The following RFX1 variants were observed in gnomAD, a reference collection of about 807,000 sequenced individuals.
RFX1 encodes the protein regulatory factor X1.
In RFX1, 42 loss-of-function variants were observed where a neutral mutation model predicts 119.6. The ratio of observed to expected loss-of-function variants is 0.35; its 90% CI spans 0.27 to 0.45. RFX1 has a LOEUF of 0.45. Among genes scored for constraint, RFX1 ranks in the 20% least tolerant of loss-of-function variants. RFX1 has a pLI of 1.00. For missense variants in RFX1, 1,118 were observed against 1,368.1 expected, an observed-to-expected ratio of 0.82 and a Z score of 2.88; for synonymous variants, 628 against 618.5, an observed-to-expected ratio of 1.02 and a Z score of -0.23.
intron 1 of RFX1, among the ~76,000 whole-genome samples, chr19:14,000,461 A>C (rs373639077): frequency 6.6e-6 from 1 of 151,508 alleles, no homozygotes; most frequent in East Asian, 1.9e-4. Flanking sequence ...CATGCATACA[A>C]ACACACACAT....
In RFX1 at chr19:13,980,765, C is replaced by A; in HGVS notation, c.622-76G>T. 9.4e-6 allele frequency: 2 copies of A among 213,120 alleles called. No individual in the cohort carries two copies. The highest frequency in any genetic ancestry group is 1.1e-4 in the East Asian group (1 of 9,260). 13.2% of individuals were successfully genotyped at this position (213,120 alleles called of 1,614,324 possible). ...TCTGAGGTGGGCTCACACACACACC[C>A]TTCTCAGGAGAGCTGTCTGGGGAGG... On this transcript the variant is annotated intron_variant, in intron 5 of 20. Coordinates refer to ENST00000254325, the MANE Select transcript of RFX1 (RefSeq NM_002918.5). The surrounding 1 kb of genome is among the most constrained non-coding windows in gnomAD (Gnocchi z 5.1).
chr19:14,000,195 T>C (rs189715185), intron 1 of RFX1, among the ~76,000 whole-genome samples: 4 of 152,246 alleles, frequency 2.6e-5, no homozygotes, highest in Non-Finnish European at 5.9e-5. Context: ...CTCCAAAATA[T>C]ATCCTAGAGG....
rs143289931 is a variant in RFX1 at position 13,965,488 on chromosome 19, G to A, written c.2172C>T (p.His724=). Reference sequence around the variant, plus strand: ...TCTCCTCGGGGATGTTGACCATGGCGTGGGTGAGCCAGCTCTCCAGGCTCT... The same window carrying A: ...TCTCCTCGGGGATGTTGACCATGGCATGGGTGAGCCAGCTCTCCAGGCTCT... ...FAKSLESWLT[H]AMVNIPEEML... Residue 724 remains histidine (H), a synonymous_variant, in exon 16 of 21, where the codon CAC becomes CAT. Coordinates refer to ENST00000254325, the MANE Select transcript of RFX1 (RefSeq NM_002918.5). This position sits in a 1 kb window ranked among gnomAD's most constrained non-coding sequence, Gnocchi z 4.7. 36 of 1,613,856 alleles carry A rather than the reference G, an allele frequency of 2.2e-5. No homozygotes were observed. The highest frequency in any genetic ancestry group is 2.0e-4 in the South Asian group (18 of 91,078).
Position 13,980,731 on chromosome 19 carries a change from T to TTCATCCTCTCTGGGGTGGGCTC in RFX1, c.622-43_622-42insGAGCCCACCCCAGAGAGGATGA. The TTCATCCTCTCTGGGGTGGGCTC allele has an allele frequency of 4.2e-6, 5 of 1,201,556 alleles. No individual in the cohort carries two copies. The highest frequency in any genetic ancestry group is 4.7e-6 in the Non-Finnish European group (4 of 842,378). The allele number at this position is 1,201,556 out of a possible 1,614,324, so 74.4% of individuals were successfully genotyped here. A position where few individuals can be genotyped will look rare whatever the true frequency, so the allele number is the denominator to read the frequency against. On this transcript the variant is annotated intron_variant, in intron 5 of 20. Coordinates refer to ENST00000254325, the MANE Select transcript of RFX1 (RefSeq NM_002918.5). This position sits in a 1 kb window ranked among gnomAD's most constrained non-coding sequence, Gnocchi z 5.1. ...CACAGGAGTGCCGCTGGGGTGGGCTTGCATCCTCTCTGAGGTGGGCTCACA... is the reference window on the plus strand; with the variant it reads ...CACAGGAGTGCCGCTGGGGTGGGCTTTCATCCTCTCTGGGGTGGGCTCGCATCCTCTCTGAGGTGGGCTCACA...
Position 13,966,628 on chromosome 19 carries a change from C to A in RFX1, c.1851+5G>T, listed in dbSNP as rs1463460850. 2 of 1,584,686 alleles carry A rather than the reference C, an allele frequency of 1.3e-6. No individual in the cohort carries two copies. Among genetic ancestry groups the A allele is most frequent in the African/African-American group, 1.3e-5 (1 of 74,092 alleles). ...TCCACTTGCCTGCCCACCTGGCCACCCTACCTCACAGTGTTCCCGGTACAG... is the reference window on the plus strand; with the variant it reads ...TCCACTTGCCTGCCCACCTGGCCACACTACCTCACAGTGTTCCCGGTACAG... On this transcript the variant is annotated splice_donor_5th_base_variant and intron_variant, in intron 13 of 20. Transcript: ENST00000254325. This position sits in a 1 kb window ranked among gnomAD's most constrained non-coding sequence, Gnocchi z 6.3.
intron 1 of RFX1, among the ~76,000 whole-genome samples, chr19:13,995,412 G>A (rs1436286775): frequency 6.6e-6 from 1 of 152,066 alleles, no homozygotes; most frequent in Non-Finnish European, 1.5e-5. Context: ...GGCTTTTTGG[G>A]CCCTCTGTCT....
In RFX1 at chr19:13,983,494, T is replaced by C. The variant is rs758911880; in HGVS notation, c.421A>G (p.Thr141Ala). ...PTQVVQQVQG[T>A]QQRLLVQTSV... is the part of the protein sequence containing the mutation. The stretch of plus-strand genomic sequence containing the variant: ...GGAGGGCCACATCCTACCTGCTGGG[T>C]GCCCTGCACCTGCTGAACCACCTGA... Residue 141 changes from threonine (T) to alanine (A), a missense_variant, in exon 3 of 21, where the codon ACC becomes GCC. Thr to Ala is a moderately conservative substitution (Grantham distance 58, BLOSUM62 0). This residue lies in a region of RFX1 where 542 missense variants were observed against 602.7 expected (regional missense o/e 0.90). Transcript: ENST00000254325. 6.2e-7 allele frequency: 1 copy of C among 1,606,840 alleles called. No individual in the cohort carries two copies. The highest frequency in any genetic ancestry group is 8.5e-7 in the Non-Finnish European group (1 of 1,177,890).
rs759582073 is a variant in RFX1 at position 13,965,555 on chromosome 19, G to C, written c.2114-9C>G. 6.2e-7 allele frequency: 1 copy of C among 1,613,386 alleles called. No homozygotes were observed. ...CGCTTGGGTCAAGGCACCTGTGGGC[G>C]GTGGCGGGGGTCGGTCAGGGCAGGG... On this transcript the variant is annotated splice_polypyrimidine_tract_variant and intron_variant, in intron 15 of 20. Coordinates refer to ENST00000254325, the MANE Select transcript of RFX1 (RefSeq NM_002918.5). The surrounding 1 kb of genome is among the most constrained non-coding windows in gnomAD (Gnocchi z 4.7).
At chr19:13,983,812 C>A (rs1284269655) in intron 2 of RFX1, among the ~76,000 whole-genome samples, 2 of 152,210 alleles carry the variant, frequency 1.3e-5, no homozygotes, top group Non-Finnish European at 2.9e-5. Context: ...ATCCTTAATA[C>A]CTGGCAGCAG....
rs1214258279 is a variant in RFX1, at chr19:13,963,915, G to A, written c.2304C>T (p.Thr768=). 2 of 1,550,098 alleles carry A rather than the reference G, an allele frequency of 1.3e-6. No homozygotes were observed. Among genetic ancestry groups the A allele is most frequent in the Non-Finnish European group, 1.7e-6 (2 of 1,148,730 alleles). ...CGCTCAGCATCTGGTTGATCTGTGC[G>A]GTGTTCTGCAGCACAGCGCGCGCCG... is the stretch of plus-strand genomic sequence containing the variant. ...AQAARAVLQN[T]AQINQMLSDL... is the part of the protein sequence containing the mutation. Residue 768 remains threonine, a synonymous_variant, in exon 17 of 21, where the codon ACC becomes ACT. Transcript: ENST00000254325.
Position 13,970,062 on chromosome 19 carries a change from G to A in RFX1, c.1428C>T (p.Asn476=), listed in dbSNP as rs748325036. 90 of 1,614,028 alleles carry A rather than the reference G, an allele frequency of 5.6e-5. No homozygotes were observed. The highest frequency in any genetic ancestry group is 1.1e-4 in the East Asian group (5 of 44,902). ...HCQEQKLEPV[N]AASFGKLIRS... is the part of the protein sequence containing the mutation. Reference sequence around the variant, plus strand: ...GGATGAGCTTGCCGAAGGAGGCGGCGTTGACGGGCTCCAGCTTCTGCTCCT... The same window carrying A: ...GGATGAGCTTGCCGAAGGAGGCGGCATTGACGGGCTCCAGCTTCTGCTCCT... The change falls in exon 10 of 21, where the codon AAC becomes AAT. Residue 476 remains asparagine (N), a synonymous_variant. Coordinates refer to ENST00000254325, the MANE Select transcript of RFX1 (RefSeq NM_002918.5).
intron 1 of RFX1, among the ~76,000 whole-genome samples, chr19:14,000,856 A>AGC (rs2145642204): frequency 1.3e-5 from 2 of 152,278 alleles, no homozygotes; most frequent in South Asian, 4.1e-4. Context: ...GCACTTTGAG[A>AGC]GCCCAGGGCA....
At position 13,993,750 on chromosome 19, in the gene RFX1, G is replaced by A; in HGVS notation, c.94C>T (p.Pro32Ser). ...GGCTGGGGTGCCGCTGGGGGTGGTG[G>A]CGGTGGCGGCTGGGGCTGGGCTTGT... ...PPQAQPQPPP[P>S]PPPAAPQPPQ... The change falls in exon 2 of 21, where the codon CCA (proline) becomes TCA (serine). Residue 32 changes from proline to serine, a missense_variant. Coordinates refer to ENST00000254325, the MANE Select transcript of RFX1 (RefSeq NM_002918.5). The A allele has an allele frequency of 6.3e-7, 1 of 1,597,092 alleles. No homozygotes were observed. The highest frequency in any genetic ancestry group is 8.5e-7 in the Non-Finnish European group (1 of 1,172,976).
intron 1 of RFX1, among the ~76,000 whole-genome samples, chr19:13,999,366 C>T (rs1035782897): frequency 7.2e-5 from 11 of 152,114 alleles, no homozygotes; most frequent in Non-Finnish European, 1.5e-4. Context: ...AATGAGGGCT[C>T]GGCAAAGTTC....
At chr19:13,975,496 T>A (rs2145570587) in intron 8 of RFX1, among the ~76,000 whole-genome samples, 1 of 148,990 alleles carries the variant, frequency 6.7e-6, no homozygotes, top group East Asian at 2.0e-4. Context: ...AGAGAGGGAG[T>A]TGAGGGGGAC....
intron 2 of RFX1, among the ~76,000 whole-genome samples, chr19:13,984,468 G>A (rs151180842): frequency 4.0e-4 from 61 of 152,298 alleles, no homozygotes; most frequent in African/African-American, 9.1e-4. Context: ...GTTGGTACCC[G>A]GAGATGCTAT....
At chr19:13,977,893 G>T in intron 8 of RFX1, 99 bp downstream of exon 8, 1 of 909,738 alleles carries the variant, frequency 1.1e-6, no homozygotes, top group Non-Finnish European at 1.7e-6. Flanking sequence ...AAGGCCGGAT[G>T]GCCTGCTGGG....
At chr19:13,970,213 G>GCGCTTC in intron 9 of RFX1, 38 bp from the exon 10 acceptor site, 1 of 1,536,824 alleles carries the variant, frequency 6.5e-7, no homozygotes, top group Non-Finnish European at 8.8e-7. Flanking sequence ...CCAGTCAGAG[G>GCGCTTC]CGCTTCCGTC....
At position 13,963,040 on chromosome 19, in the gene RFX1, C is replaced by A; in HGVS notation, c.2725-1G>T. The A allele has an allele frequency of 6.4e-7, 1 of 1,567,266 alleles. No individual in the cohort carries two copies. Among genetic ancestry groups the A allele is most frequent in the Non-Finnish European group, 8.7e-7 (1 of 1,155,606 alleles). ...TCAGGGAGGTGGCCAGATTGGCGAA[C>A]TGGAGGAAGAAGAGAAGAAAATGGG... On this transcript the variant is annotated splice_acceptor_variant, in intron 19 of 20. Coordinates refer to ENST00000254325, the MANE Select transcript of RFX1 (RefSeq NM_002918.5). LOFTEE classifies it high-confidence loss of function.
Sources: allele counts gnomAD v4.1 joint callset (sites outside exome capture counted in the v4.1 genomes callset), GRCh38; gene constraint gnomAD v4.1.1; regional missense constraint gnomAD v4.1.1; non-coding constraint Gnocchi (gnomAD v3.1); transcripts MANE v1.5; gene names NCBI Gene and HGNC (gene_info 2026-07-23, HGNC 2026-07-21).